ARMH1: variants seen among roughly 807,000 people sequenced by gnomAD.
The protein encoded by ARMH1 is armadillo-like helical domain containing protein 1.
ARMH1 carries 34 observed loss-of-function variants against 50.2 expected under a neutral mutation model. The ratio of observed to expected loss-of-function variants is 0.68; its 90% CI spans 0.51 to 0.90. ARMH1 has a LOEUF of 0.90. Ranked by LOEUF, ARMH1 falls within the 40% of genes least tolerant of loss-of-function variation. The pLI, the probability that ARMH1 is intolerant of heterozygous loss-of-function variation, is 0.00. For missense variants in ARMH1, 538 were observed against 553.9 expected (o/e 0.97, Z 0.29); for synonymous variants, 221 against 224.2 (o/e 0.99, Z 0.13).
chr1:44,687,468 G>A (rs749742880), intron 1 of ARMH1, among the ~76,000 whole-genome samples: 4 of 152,170 alleles, frequency 2.6e-5, no homozygotes, highest in Admixed American at 1.3e-4. Flanking sequence ...GGAAATACAG[G>A]GGTAAACAGC....
At chr1:44,699,020 C>T (rs1337090858) in intron 4 of ARMH1, among the ~76,000 whole-genome samples, 6 of 151,876 alleles carry the variant, frequency 4.0e-5, no homozygotes, top group Non-Finnish European at 8.8e-5. Context: ...CGGTGGCTCA[C>T]GCCTGTAATC....
Position 44,682,632 on chromosome 1 carries a change from ATC to A in ARMH1, c.-22-7041_-22-7040del, listed in dbSNP as rs1645348310. On this transcript the variant is annotated intron_variant, in intron 1 of 11. Transcript: ENST00000535358. This position sits in a 1 kb window ranked among gnomAD's most constrained non-coding sequence, Gnocchi z 4.5. The stretch of plus-strand genomic sequence containing the variant: ...ATCTGTCAGATTTGTACTTTTAAAA[ATC>A]TCACATCAAAGCCTGGCCTGGTGGC... 3.3e-5 allele frequency among the ~76,000 whole-genome samples: 5 copies of A among 152,170 alleles called. No individual in the cohort carries two copies. The South Asian group carries it at 1.0e-3, about 32-fold the overall frequency.
chr1:44,703,349 C>A (rs1480904873), intron 5 of ARMH1, among the ~76,000 whole-genome samples: 3 of 152,208 alleles, frequency 2.0e-5, no homozygotes, highest in African/African-American at 7.2e-5. Context: ...CACTGCCCTC[C>A]CTCCCTCTCC....
chr1:44,713,732 C>T (rs1053687657), intron 6 of ARMH1, among the ~76,000 whole-genome samples: 5 of 152,144 alleles, frequency 3.3e-5, no homozygotes, highest in Admixed American at 2.6e-4. Flanking sequence ...CCTTATACTG[C>T]GTCCTTTTTG....
intron 5 of ARMH1, 136 bp from the exon 6 acceptor site, chr1:44,703,953 C>T (rs1223133395): frequency 2.8e-5 from 17 of 614,702 alleles, no homozygotes; most frequent in Non-Finnish European, 4.6e-5. Flanking sequence ...GTCTGGATCT[C>T]CTGACCTCGT....
chr1:44,689,585 A>G (rs1402030041), intron 1 of ARMH1, 91 bp from the exon 2 acceptor site: 9 of 1,009,574 alleles, frequency 8.9e-6, no homozygotes, highest in Non-Finnish European at 1.3e-5. Context: ...TGATAAAGCC[A>G]CACCCTGCCT....
At chr1:44,680,665 G>C (rs1046967730) in intron 1 of ARMH1, among the ~76,000 whole-genome samples, 1 of 152,182 alleles carries the variant, frequency 6.6e-6, no homozygotes, top group Non-Finnish European at 1.5e-5. Context: ...TGTTTAAGAG[G>C]AGTCAGGGAA....
chr1:44,696,808 C>T (rs1232765188), intron 2 of ARMH1, among the ~76,000 whole-genome samples: 1 of 152,188 alleles, frequency 6.6e-6, no homozygotes, highest in Non-Finnish European at 1.5e-5. Flanking sequence ...CCAGCCTTCT[C>T]CAGGGACCCT....
chr1:44,724,717 G>T lies in ARMH1; in HGVS notation c.1051-45G>T, dbSNP rs1458537124. On this transcript the variant is annotated intron_variant, in intron 9 of 11. Coordinates refer to ENST00000535358, the MANE Select transcript of ARMH1 (RefSeq NM_001145636.2). This position sits in a 1 kb window ranked among gnomAD's most constrained non-coding sequence, Gnocchi z 6.4. ...GGCGGGAAGGGCGGCGGCACCCGCAGCCCCGTCGCCCCCGCAGTCACGCCG... is the reference window on the plus strand; with the variant it reads ...GGCGGGAAGGGCGGCGGCACCCGCATCCCCGTCGCCCCCGCAGTCACGCCG... 1.3e-6 allele frequency: 2 copies of T among 1,492,506 alleles called. No homozygotes were observed. Among genetic ancestry groups the T allele is most frequent in the South Asian group, 2.6e-5 (2 of 77,920 alleles). 92.5% of individuals were successfully genotyped at this position (1,492,506 alleles called of 1,614,324 possible).
At chr1:44,718,282 A>G (rs1166548372) in intron 6 of ARMH1, among the ~76,000 whole-genome samples, 1 of 152,254 alleles carries the variant, frequency 6.6e-6, no homozygotes, top group African/African-American at 2.4e-5. Flanking sequence ...GTGCCTGGGA[A>G]GAGCCCAGCT....
At chr1:44,710,318 A>T (rs1402455136) in intron 6 of ARMH1, among the ~76,000 whole-genome samples, 1 of 152,082 alleles carries the variant, frequency 6.6e-6, no homozygotes, top group African/African-American at 2.4e-5. Flanking sequence ...CTAGAAATTA[A>T]TCACAGATTG....
chr1:44,684,082 A>C (rs1288663646), intron 1 of ARMH1, among the ~76,000 whole-genome samples: 1 of 152,120 alleles, frequency 6.6e-6, no homozygotes, highest in Admixed American at 6.6e-5. Flanking sequence ...AAAAAATGTC[A>C]GTTTCTTCTC....
intron 6 of ARMH1, 173 bp from the exon 7 acceptor site, chr1:44,723,949 C>A: frequency 1.3e-6 from 1 of 769,206 alleles, no homozygotes; most frequent in Non-Finnish European, 2.0e-6. Flanking sequence ...CTTCAGCCCC[C>A]TCCTCCTGCT....
At chr1:44,723,830 C>T (rs889987444) in intron 6 of ARMH1, 50 of 340,430 alleles carry the variant, frequency 1.5e-4, no homozygotes, top group African/African-American at 1.0e-3. Context: ...TCCATGAAAC[C>T]TGGATTCCTC....
intron 6 of ARMH1, chr1:44,721,926 T>G (rs1028120381): frequency 5.9e-5 from 9 of 152,208 alleles, no homozygotes; most frequent in Non-Finnish European, 1.2e-4. Flanking sequence ...TTTGCCTGGC[T>G]TCCCAGCTAT....
At chr1:44,709,502 C>G (rs1369667921) in intron 6 of ARMH1, among the ~76,000 whole-genome samples, 1 of 152,092 alleles carries the variant, frequency 6.6e-6, no homozygotes, top group Non-Finnish European at 1.5e-5. Context: ...GAAACCCCAT[C>G]TCTACTAAAA....
Position 44,689,752 on chromosome 1 carries a change from G to T in ARMH1, c.55G>T (p.Glu19Ter). 6.4e-7 allele frequency: 1 copy of T among 1,551,892 alleles called. No individual in the cohort carries two copies. Among genetic ancestry groups the T allele is most frequent in the East Asian group, 2.4e-5 (1 of 40,944 alleles). The part of the protein sequence containing the change: ...AISRLLSFLQ[E>*]WDNAGKVARS... ...TAGCAGGCTCTTAAGTTTTTTACAG[G>T]AGTGGGACAACGCTGGCAAAGTCGC... The change falls in exon 2 of 12, where the codon GAG (glutamate) becomes TAG (stop). Residue 19 changes from glutamate (E) to a stop codon, truncating the protein, a stop_gained. Coordinates refer to ENST00000535358, the MANE Select transcript of ARMH1 (RefSeq NM_001145636.2). LOFTEE classifies it high-confidence loss of function.
At chr1:44,689,942 G>A (rs779697673) in intron 2 of ARMH1, 39 bp downstream of exon 2, 148 of 1,527,550 alleles carry the variant, frequency 9.7e-5, no homozygotes, top group South Asian at 1.3e-4. Context: ...ATTAGGCACC[G>A]GGCACGGTGG....
intron 6 of ARMH1, among the ~76,000 whole-genome samples, chr1:44,711,672 A>T (rs1405212525): frequency 6.6e-6 from 1 of 152,126 alleles, no homozygotes; most frequent in Non-Finnish European, 1.5e-5. Flanking sequence ...TTATTCATTT[A>T]CTTATTCAAA....
Sources: gnomAD v4.1 joint callset for allele counts (sites outside exome capture counted in the v4.1 genomes callset) on GRCh38, gnomAD v4.1.1 for gene constraint, Gnocchi (gnomAD v3.1) non-coding constraint, MANE v1.5 for transcripts, NCBI Gene and HGNC (gene_info 2026-07-23, HGNC 2026-07-21) for gene names.